The following GLIS3 variants were observed in gnomAD, a reference collection of about 807,000 sequenced individuals.
GLIS3 encodes zinc finger protein GLIS3.
In GLIS3, 53 loss-of-function variants were observed where a neutral mutation model predicts 78.6. That is an observed-to-expected ratio of 0.67 (90% confidence interval 0.54 to 0.85). The LOEUF (loss-of-function observed/expected upper bound fraction) is 0.85. GLIS3 is among the 40% of genes least tolerant of loss of function. The pLI, the probability that GLIS3 is intolerant of heterozygous loss-of-function variation, is 0.00. For synonymous variants in GLIS3, 684 were observed against 509.9 expected, an observed-to-expected ratio of 1.34 and a Z score of -4.60; for missense variants, 1,703 against 1,231.1, an observed-to-expected ratio of 1.38 and a Z score of -5.74.
intron 4 of GLIS3, among the ~76,000 whole-genome samples, chr9:4,041,963 A>AT (rs1824847664): frequency 1.3e-5 from 2 of 152,152 alleles, no homozygotes; most frequent in South Asian, 4.1e-4. Flanking sequence ...GTTTGATGTG[A>AT]TTTTGCATGT....
chr9:4,076,843 A>G (rs1420821211), intron 4 of GLIS3, among the ~76,000 whole-genome samples: 1 of 152,108 alleles, frequency 6.6e-6, no homozygotes, highest in Non-Finnish European at 1.5e-5. Flanking sequence ...AATGGCTTGA[A>G]CCCAGGAGTT....
At chr9:4,140,401 C>G (rs72689961) in intron 2 of GLIS3, among the ~76,000 whole-genome samples, 35,021 of 152,004 alleles carry the variant, frequency 0.23, 4,472 homozygotes, top group Middle Eastern at 0.37. Context: ...TTTCCCATTA[C>G]TGTCCAAAAA....
intron 2 of GLIS3, among the ~76,000 whole-genome samples, chr9:4,234,895 A>T (rs1231944814): frequency 1.3e-5 from 2 of 152,168 alleles, no homozygotes; most frequent in African/African-American, 2.4e-5. Context: ...TTGCTCCCTA[A>T]GAGTCCCTAG....
the GLIS3 span, among the ~76,000 whole-genome samples, chr9:4,379,297 C>T: frequency 6.6e-6 from 1 of 152,194 alleles, no homozygotes; most frequent in African/African-American, 2.4e-5. Context: ...GAACCTGGTG[C>T]CTTCCCTACT....
intron 4 of GLIS3, among the ~76,000 whole-genome samples, chr9:3,987,392 A>C (rs1004053215): frequency 1.3e-5 from 2 of 152,068 alleles, no homozygotes; most frequent in Non-Finnish European, 2.9e-5. Flanking sequence ...AAGAGAGTAG[A>C]ACCGAAAGAG....
chr9:4,312,866 AG>A (rs1817385783), intron 2 of GLIS3, among the ~76,000 whole-genome samples: 1 of 152,158 alleles, frequency 6.6e-6, no homozygotes, highest in East Asian at 1.9e-4. Flanking sequence ...GTGCTTACTC[AG>A]GCCAGGCATG....
intron 10 of GLIS3, among the ~76,000 whole-genome samples, chr9:3,828,886 T>C (rs1472421283): frequency 6.6e-6 from 1 of 152,148 alleles, no homozygotes; most frequent in African/African-American, 2.4e-5. Context: ...GGATCAGGCC[T>C]AACTTATGGG....
At chr9:4,113,265 T>G (rs1831376259) in intron 4 of GLIS3, among the ~76,000 whole-genome samples, 1 of 152,214 alleles carries the variant, frequency 6.6e-6, no homozygotes, top group Non-Finnish European at 1.5e-5. Context: ...ACAGTTACGT[T>G]ATTTATACTT....
At chr9:4,228,365 T>C (rs1188487133) in intron 2 of GLIS3, among the ~76,000 whole-genome samples, 1 of 152,156 alleles carries the variant, frequency 6.6e-6, no homozygotes, top group Non-Finnish European at 1.5e-5. Flanking sequence ...TCCATGCGAA[T>C]GTAACAGGTG....
At chr9:4,474,436 G>T in the GLIS3 span, among the ~76,000 whole-genome samples, 1 of 152,118 alleles carries the variant, frequency 6.6e-6, no homozygotes, top group African/African-American at 2.4e-5. Flanking sequence ...ATATGCCAAA[G>T]TCATGTTGCA....
At chr9:3,987,761 CAAAAAAAAAA>C (rs60986898) in intron 4 of GLIS3, among the ~76,000 whole-genome samples, 4 of 10,474 alleles carry the variant, frequency 3.8e-4, no homozygotes, top group Non-Finnish European at 6.9e-4. Context: ...CTGGATTTGG[CAAAAAAAAAA>C]AAAAAAAAAA....
chr9:4,405,450 A>G, the GLIS3 span, among the ~76,000 whole-genome samples: 1 of 152,290 alleles, frequency 6.6e-6, no homozygotes, highest in African/African-American at 2.4e-5. Context: ...ATGAGCAGCT[A>G]TATGCCAATA....
intron 4 of GLIS3, among the ~76,000 whole-genome samples, chr9:3,973,048 C>G (rs76343227): frequency 0.011 from 1,681 of 152,184 alleles, 28 homozygotes; most frequent in African/African-American, 0.039. Context: ...ATGAGAAGGA[C>G]CCACAGAACT....
At chr9:4,287,246 A>C (rs1467817174) in intron 1 of GLIS3, among the ~76,000 whole-genome samples, 2 of 152,200 alleles carry the variant, frequency 1.3e-5, no homozygotes, top group East Asian at 1.9e-4. Context: ...CCTTACAGGG[A>C]GCATAAGGAG....
chr9:4,394,374 G>C, the GLIS3 span, among the ~76,000 whole-genome samples: 5 of 150,902 alleles, frequency 3.3e-5, no homozygotes, highest in Non-Finnish European at 7.4e-5. Flanking sequence ...CTAGCTCAAA[G>C]ATTACAGGAG....
intron 4 of GLIS3, among the ~76,000 whole-genome samples, chr9:4,024,399 TC>T (rs1823140318): frequency 6.6e-6 from 1 of 152,208 alleles, no homozygotes; most frequent in Admixed American, 6.5e-5. Context: ...TTTTTCTGCA[TC>T]CCTGTAGGAA....
At chr9:4,174,743 G>A (rs1816672963) in intron 2 of GLIS3, among the ~76,000 whole-genome samples, 1 of 152,198 alleles carries the variant, frequency 6.6e-6, no homozygotes, top group African/African-American at 2.4e-5. Flanking sequence ...TTGGAGATGT[G>A]TGCCAATCTC....
the GLIS3 span, among the ~76,000 whole-genome samples, chr9:4,394,384 G>A: frequency 6.6e-6 from 1 of 151,766 alleles, no homozygotes; most frequent in Non-Finnish European, 1.5e-5. Context: ...GATTACAGGA[G>A]TAATATGGGG....
chr9:3,835,438 C>T (rs1040413831), intron 9 of GLIS3, among the ~76,000 whole-genome samples: 1 of 152,170 alleles, frequency 6.6e-6, no homozygotes, highest in Non-Finnish European at 1.5e-5. Flanking sequence ...CTGGGTGTTC[C>T]AAGACCCCTT....
Sources: gnomAD v4.1 joint callset for allele counts (sites outside exome capture counted in the v4.1 genomes callset) on GRCh38, gnomAD v4.1.1 for gene constraint, MANE v1.5 for transcripts, NCBI Gene and HGNC (gene_info 2026-07-23, HGNC 2026-07-21) for gene names.